The following KIRREL3 variants were observed in gnomAD, a reference collection of about 807,000 sequenced individuals.
KIRREL3 encodes the protein kin of IRRE-like protein 3.
Under a neutral mutation model 89.7 loss-of-function variants are expected in KIRREL3, and 36 were observed. The observed-to-expected ratio is 0.40, with a 90% CI of 0.31 to 0.53. KIRREL3 has a LOEUF of 0.53. KIRREL3 is among the 20% of genes least tolerant of loss of function. The pLI is 0.49. For synonymous variants in KIRREL3, 445 were observed against 441.4 expected (o/e 1.01, Z -0.10); for missense variants, 864 against 1,056.6 (o/e 0.82, Z 2.53).
Position 126,764,534 on chromosome 11 carries a change from C to T in KIRREL3, c.56-201622G>A, listed in dbSNP as rs1247199032. Among the ~76,000 whole-genome samples, 3 of 152,170 alleles carry T rather than the reference C, an allele frequency of 2.0e-5. No homozygotes were observed. Among genetic ancestry groups the T allele is most frequent in the South Asian group, 4.1e-4 (2 of 4,820 alleles). On this transcript the variant is annotated intron_variant, in intron 1 of 16. Coordinates refer to ENST00000525144, the MANE Select transcript of KIRREL3 (RefSeq NM_032531.4). This position sits in a 1 kb window ranked among gnomAD's most constrained non-coding sequence, Gnocchi z 4.2. ...GCTCAACAACCTTCTTTGCTGCACCCGCCGCTGCCTCATGAGGTTCCTGGC... is the reference window on the plus strand; with the variant it reads ...GCTCAACAACCTTCTTTGCTGCACCTGCCGCTGCCTCATGAGGTTCCTGGC...
intron 1 of KIRREL3, among the ~76,000 whole-genome samples, chr11:126,690,447 G>C (rs1252286327): frequency 6.6e-6 from 1 of 151,890 alleles, no homozygotes; most frequent in Non-Finnish European, 1.5e-5. Flanking sequence ...GATAATGATG[G>C]GAAGTCACCT....
intron 4 of KIRREL3, among the ~76,000 whole-genome samples, chr11:126,479,103 G>C (rs1452317081): frequency 2.0e-5 from 3 of 152,210 alleles, no homozygotes; most frequent in African/African-American, 7.2e-5. Context: ...GGCTGAGTGG[G>C]GAGAAGGACG....
At chr11:126,914,791 CAT>C (rs1479986789) in intron 1 of KIRREL3, among the ~76,000 whole-genome samples, 1 of 152,256 alleles carries the variant, frequency 6.6e-6, no homozygotes. Flanking sequence ...AAGTAACACA[CAT>C]GAGACCTCAA....
intron 3 of KIRREL3, among the ~76,000 whole-genome samples, chr11:126,524,752 C>T (rs1019232237): frequency 6.6e-6 from 1 of 152,150 alleles, no homozygotes; most frequent in East Asian, 1.9e-4. Context: ...TCCCACAACC[C>T]TGGGCCTCAG....
chr11:126,963,142 C>A (rs1324408047), intron 1 of KIRREL3, among the ~76,000 whole-genome samples: 3 of 152,172 alleles, frequency 2.0e-5, no homozygotes, highest in African/African-American at 7.2e-5. Flanking sequence ...AAAGATCTAG[C>A]CAAATAAAAA....
chr11:126,935,878 T>C (rs1393216277), intron 1 of KIRREL3: 1 of 152,084 alleles, frequency 6.6e-6, no homozygotes, highest in Non-Finnish European at 1.5e-5. Context: ...ATTATAAACT[T>C]CGGGTGGTAA....
intron 1 of KIRREL3, among the ~76,000 whole-genome samples, chr11:126,785,822 C>T (rs915661837): frequency 1.4e-5 from 2 of 138,500 alleles, no homozygotes; most frequent in South Asian, 2.2e-4. Context: ...TGCAATGAGC[C>T]GAGATTGTGC....
chr11:126,827,126 C>T (rs1943442841), intron 1 of KIRREL3, among the ~76,000 whole-genome samples: 1 of 152,024 alleles, frequency 6.6e-6, no homozygotes, highest in South Asian at 2.1e-4. Flanking sequence ...ATGACATTCA[C>T]CCCTCAGAGC....
chr11:126,511,880 C>G (rs540311526), intron 4 of KIRREL3, among the ~76,000 whole-genome samples: 1 of 152,158 alleles, frequency 6.6e-6, no homozygotes, highest in African/African-American at 2.4e-5. Context: ...AACGGAGAAG[C>G]GGCGGGTTAT....
At chr11:126,911,002 C>T (rs913833218) in intron 1 of KIRREL3, among the ~76,000 whole-genome samples, 1 of 152,186 alleles carries the variant, frequency 6.6e-6, no homozygotes, top group African/African-American at 2.4e-5. Context: ...TCTGCACCTG[C>T]CCTGGGCCAC....
At chr11:126,907,252 C>T (rs1179085451) in intron 1 of KIRREL3, among the ~76,000 whole-genome samples, 7 of 152,346 alleles carry the variant, frequency 4.6e-5, no homozygotes, top group African/African-American at 1.4e-4. Context: ...CCCAAGTCCA[C>T]TGTGAAGATG....
At chr11:126,567,015 C>T (rs761008050) in intron 1 of KIRREL3, among the ~76,000 whole-genome samples, 4 of 152,096 alleles carry the variant, frequency 2.6e-5, no homozygotes, top group African/African-American at 4.8e-5. Flanking sequence ...AGTACGGGGT[C>T]GCAGAGCTGC....
intron 1 of KIRREL3, among the ~76,000 whole-genome samples, chr11:126,792,080 C>T (rs938624939): frequency 2.6e-5 from 4 of 152,188 alleles, no homozygotes; most frequent in Non-Finnish European, 4.4e-5. Context: ...AGTAAGGAAT[C>T]GAGCCAGCAG....
chr11:126,629,131 G>C (rs1296744967), intron 1 of KIRREL3, among the ~76,000 whole-genome samples: 1 of 152,070 alleles, frequency 6.6e-6, no homozygotes, highest in African/African-American at 2.4e-5. Flanking sequence ...TCTGGACCAG[G>C]CCTGTGCAAA....
At chr11:126,654,594 C>A (rs1369656440) in intron 1 of KIRREL3, among the ~76,000 whole-genome samples, 1 of 152,088 alleles carries the variant, frequency 6.6e-6, no homozygotes, top group Non-Finnish European at 1.5e-5. Flanking sequence ...CCTTCCCTCA[C>A]CCCAGAGCAC....
chr11:126,533,190 T>C (rs1322145826), intron 2 of KIRREL3, among the ~76,000 whole-genome samples: 2 of 152,200 alleles, frequency 1.3e-5, no homozygotes, highest in Non-Finnish European at 2.9e-5. Flanking sequence ...AAGAGTCCTA[T>C]GAGATAGGTA....
At position 126,537,558 on chromosome 11, in the gene KIRREL3, G is replaced by C. The variant is rs1937997786; in HGVS notation, c.134-10871C>G. Among the ~76,000 whole-genome samples the C allele has an allele frequency of 6.6e-6, 1 of 152,110 alleles. No homozygotes were observed. The highest frequency in any genetic ancestry group is 6.5e-5 in the Admixed American group (1 of 15,278). On this transcript the variant is annotated intron_variant, in intron 2 of 16. Transcript: ENST00000525144. The surrounding 1 kb of genome is among the most constrained non-coding windows in gnomAD (Gnocchi z 4.3). Reference sequence around the variant, plus strand: ...TGGGTCACCCTCTGTCACCTGCCTGGAGTACCTAACCGATGGGTCACCTGT... The same window carrying C: ...TGGGTCACCCTCTGTCACCTGCCTGCAGTACCTAACCGATGGGTCACCTGT...
chr11:126,875,891 A>C (rs1414642893), intron 1 of KIRREL3, among the ~76,000 whole-genome samples: 1 of 152,226 alleles, frequency 6.6e-6, no homozygotes, highest in Non-Finnish European at 1.5e-5. Context: ...AATGAAATGA[A>C]TACTTTGAGG....
At chr11:126,786,539 T>C (rs1408284737) in intron 1 of KIRREL3, among the ~76,000 whole-genome samples, 1 of 152,186 alleles carries the variant, frequency 6.6e-6, no homozygotes, top group Non-Finnish European at 1.5e-5. Context: ...ATTAATAGCA[T>C]TAAAATAAAC....
Sources: allele counts gnomAD v4.1 joint callset (sites outside exome capture counted in the v4.1 genomes callset), GRCh38; gene constraint gnomAD v4.1.1; non-coding constraint Gnocchi (gnomAD v3.1); transcripts MANE v1.5; gene names NCBI Gene and HGNC (gene_info 2026-07-23, HGNC 2026-07-21).